Variants in DOK6 observed in about 807,000 individuals in gnomAD.
DOK6 encodes the protein docking protein 6.
DOK6 carries 22 observed loss-of-function variants against 44.0 expected under a neutral mutation model. That is an observed-to-expected ratio of 0.50 (90% CI 0.36 to 0.71). DOK6 has a LOEUF of 0.71. Ranked by LOEUF, DOK6 falls within the 30% of genes least tolerant of loss-of-function variation. The pLI is 0.00. For synonymous variants in DOK6, 166 were observed against 145.5 expected (o/e 1.14, Z -1.01); for missense variants, 340 against 416.4 (o/e 0.82, Z 1.60).
intron 1 of DOK6, among the ~76,000 whole-genome samples, chr18:69,485,881 A>ATGTGTGTGTGTGTGTG (rs3044887): frequency 5.5e-4 from 81 of 147,222 alleles, no homozygotes; most frequent in African/African-American, 2.0e-3. Context: ...ATACGTATAT[A>ATGTGTGTGTGTGTGTG]TGTGTGTGTG....
chr18:69,417,005 G>A (rs999940740), intron 1 of DOK6, among the ~76,000 whole-genome samples: 6 of 152,058 alleles, frequency 3.9e-5, no homozygotes, highest in Admixed American at 2.6e-4. Context: ...ATACAATAAT[G>A]CAATGTATAA....
At chr18:69,455,434 T>C (rs917975427) in intron 1 of DOK6, among the ~76,000 whole-genome samples, 1 of 152,200 alleles carries the variant, frequency 6.6e-6, no homozygotes, top group Non-Finnish European at 1.5e-5. Context: ...TGCATGTGTG[T>C]GTTTGTTTTT....
intron 3 of DOK6, among the ~76,000 whole-genome samples, chr18:69,620,054 G>A (rs1214850916): frequency 6.6e-6 from 1 of 151,966 alleles, no homozygotes; most frequent in African/African-American, 2.4e-5. Flanking sequence ...ACAAACACTT[G>A]TGAACTTACC....
At chr18:69,498,623 C>T (rs1599160141) in intron 1 of DOK6, among the ~76,000 whole-genome samples, 1 of 151,932 alleles carries the variant, frequency 6.6e-6, no homozygotes, top group East Asian at 1.9e-4. Context: ...TATAAGTTAC[C>T]CCACAATTAA....
intron 3 of DOK6, chr18:69,660,910 C>G (rs1985508326): frequency 1.3e-5 from 2 of 152,494 alleles, no homozygotes; most frequent in East Asian, 1.9e-4. Flanking sequence ...ACCTCGTGAT[C>G]CACCTGCCTC....
At chr18:69,733,905 T>C (rs939697450) in intron 5 of DOK6, among the ~76,000 whole-genome samples, 1 of 152,298 alleles carries the variant, frequency 6.6e-6, no homozygotes, top group Non-Finnish European at 1.5e-5. Flanking sequence ...AATTAGTGTT[T>C]TGAGTTTCAA....
chr18:69,702,726 A>G (rs1599272769), intron 5 of DOK6, among the ~76,000 whole-genome samples: 1 of 152,210 alleles, frequency 6.6e-6, no homozygotes, highest in Admixed American at 6.5e-5. Flanking sequence ...GTGACGTTTC[A>G]CAAATCATGG....
At chr18:69,808,838 C>T (rs1465110832) in intron 7 of DOK6, among the ~76,000 whole-genome samples, 1 of 151,756 alleles carries the variant, frequency 6.6e-6, no homozygotes, top group Non-Finnish European at 1.5e-5. Flanking sequence ...GATGCCTTCA[C>T]AACTGAACTC....
intron 3 of DOK6, among the ~76,000 whole-genome samples, chr18:69,633,322 A>G (rs1003261943): frequency 3.3e-5 from 5 of 152,312 alleles, no homozygotes; most frequent in African/African-American, 1.2e-4. Flanking sequence ...AGTTTAAGAA[A>G]TTGTCGAAGC....
At chr18:69,412,851 G>T (rs559370814) in intron 1 of DOK6, among the ~76,000 whole-genome samples, 59 of 152,192 alleles carry the variant, frequency 3.9e-4, no homozygotes, top group African/African-American at 1.4e-3. Context: ...ACAAGAACAT[G>T]AGCTGGCTTT....
At chr18:69,761,067 G>A (rs1979537145) in intron 7 of DOK6, among the ~76,000 whole-genome samples, 1 of 57,568 alleles carries the variant, frequency 1.7e-5, no homozygotes, top group Admixed American at 1.5e-4. Context: ...ATCTTATTGG[G>A]AAGCTGCTGA....
intron 7 of DOK6, among the ~76,000 whole-genome samples, chr18:69,811,805 C>T (rs1981247385): frequency 6.6e-6 from 1 of 151,770 alleles, no homozygotes; most frequent in African/African-American, 2.4e-5. Context: ...TGCAGAGGTA[C>T]TGGACAGCAA....
At chr18:69,767,583 C>A (rs1161898272) in intron 7 of DOK6, among the ~76,000 whole-genome samples, 1 of 152,076 alleles carries the variant, frequency 6.6e-6, no homozygotes, top group African/African-American at 2.4e-5. Context: ...CCACACCCAC[C>A]CTACCACTTA....
intron 3 of DOK6, among the ~76,000 whole-genome samples, chr18:69,668,227 C>T (rs970759327): frequency 6.6e-6 from 1 of 152,126 alleles, no homozygotes; most frequent in African/African-American, 2.4e-5. Context: ...TACCATTCCT[C>T]TTCTCCTGTT....
At chr18:69,464,331 G>C (rs554221326) in intron 1 of DOK6, among the ~76,000 whole-genome samples, 1 of 152,292 alleles carries the variant, frequency 6.6e-6, no homozygotes, top group African/African-American at 2.4e-5. Context: ...GTAAACAGTG[G>C]AGTGGGTATG....
intron 7 of DOK6, among the ~76,000 whole-genome samples, chr18:69,763,705 CT>C (rs1238609883): frequency 5.3e-5 from 8 of 152,270 alleles, no homozygotes; most frequent in African/African-American, 1.7e-4. Context: ...GGGCTCTCAC[CT>C]TGACTTTTAA....
At chr18:69,458,496 C>G (rs1173680127) in intron 1 of DOK6, among the ~76,000 whole-genome samples, 4 of 152,102 alleles carry the variant, frequency 2.6e-5, no homozygotes, top group Non-Finnish European at 5.9e-5. Flanking sequence ...TAAGGATGCC[C>G]ACTCTCACCA....
At chr18:69,683,211 C>T (rs908915809) in intron 4 of DOK6, among the ~76,000 whole-genome samples, 5 of 151,540 alleles carry the variant, frequency 3.3e-5, no homozygotes, top group Non-Finnish European at 7.4e-5. Flanking sequence ...GTTTCTAAAA[C>T]GCCATTCATA....
chr18:69,583,210 C>G (rs1983409858), intron 2 of DOK6, among the ~76,000 whole-genome samples: 1 of 152,170 alleles, frequency 6.6e-6, no homozygotes, highest in Non-Finnish European at 1.5e-5. Flanking sequence ...TCATTGATGC[C>G]TACCCTCATT....
Sources: gnomAD v4.1 joint callset for allele counts (sites outside exome capture counted in the v4.1 genomes callset) on GRCh38, gnomAD v4.1.1 for gene constraint, MANE v1.5 for transcripts, NCBI Gene and HGNC (gene_info 2026-07-23, HGNC 2026-07-21) for gene names.